The following KLRF1 variants were observed in gnomAD, a reference collection of about 807,000 sequenced individuals.
KLRF1 encodes killer cell lectin like receptor F1.
KLRF1 carries 27 observed loss-of-function variants against 30.7 expected under a neutral mutation model. That is an observed-to-expected ratio of 0.88 (90% confidence interval 0.65 to 1.21). KLRF1 has a LOEUF of 1.21. Ranked by LOEUF, KLRF1 falls within the 50% of genes most tolerant of loss-of-function variation. KLRF1 has a pLI of 0.00. For missense variants in KLRF1, 246 were observed against 259.3 expected, an observed-to-expected ratio of 0.95 and a Z score of 0.35; for synonymous variants, 92 against 89.3, an observed-to-expected ratio of 1.03 and a Z score of -0.17.
At chr12:9,832,510 T>G (rs968226441) in intron 2 of KLRF1, 96 bp downstream of exon 2, 2 of 707,790 alleles carry the variant, frequency 2.8e-6, no homozygotes, top group South Asian at 3.7e-5. Flanking sequence ...CTTCACTACA[T>G]TAACCAAGAT....
At chr12:9,812,963 G>A in the KLRF1 span, among the ~76,000 whole-genome samples, 920 of 152,248 alleles carry the variant, frequency 6.0e-3, 7 homozygotes, top group Non-Finnish European at 0.011. Context: ...GAGGATATGA[G>A]AGCATTCATC....
the KLRF1 span, among the ~76,000 whole-genome samples, chr12:9,809,308 G>A: frequency 6.6e-6 from 1 of 152,110 alleles, no homozygotes; most frequent in South Asian, 2.1e-4. Flanking sequence ...AGAAAGGGTG[G>A]GACTTTTTTC....
chr12:9,821,906 C>T, the KLRF1 span, among the ~76,000 whole-genome samples: 3 of 152,260 alleles, frequency 2.0e-5, no homozygotes, highest in Non-Finnish European at 2.9e-5. Context: ...CAAACTACTT[C>T]ACTAACATAC....
At chr12:9,825,906 C>A (rs1275339256), upstream of KLRF1, among the ~76,000 whole-genome samples, 3 of 152,178 alleles carry the variant, frequency 2.0e-5, no homozygotes, top group East Asian at 1.9e-4. Context: ...TCTTAATTTA[C>A]TTCTTATCCA....
At chr12:9,833,720 C>A (rs765014908) in intron 3 of KLRF1, among the ~76,000 whole-genome samples, 1 of 152,106 alleles carries the variant, frequency 6.6e-6, no homozygotes, top group African/African-American at 2.4e-5. Flanking sequence ...TATTAAAAAG[C>A]AGTATGTAAA....
upstream of KLRF1, among the ~76,000 whole-genome samples, chr12:9,825,235 A>G (rs576191106): frequency 2.9e-4 from 43 of 147,520 alleles, no homozygotes; most frequent in South Asian, 6.6e-3. Flanking sequence ...ACAGTACTAC[A>G]ATATCCAAAA....
At chr12:9,839,454 G>T (rs761608053) in intron 3 of KLRF1, among the ~76,000 whole-genome samples, 226 of 152,030 alleles carry the variant, frequency 1.5e-3, no homozygotes, top group African/African-American at 5.2e-3. Flanking sequence ...AAATGGAAAA[G>T]ACAACACACC....
chr12:9,810,953 G>A, the KLRF1 span, among the ~76,000 whole-genome samples: 1 of 152,264 alleles, frequency 6.6e-6, no homozygotes, highest in Non-Finnish European at 1.5e-5. Flanking sequence ...CAGTATGTGA[G>A]TTTGTTAGAA....
chr12:9,812,367 GAAA>G, the KLRF1 span, among the ~76,000 whole-genome samples: 177 of 95,782 alleles, frequency 1.8e-3, no homozygotes, highest in East Asian at 8.8e-3. Context: ...GCCGTCTCAG[GAAA>G]AAAAAAAAAA....
At chr12:9,832,270 C>A in intron 1 of KLRF1, 46 bp from the exon 2 acceptor site, 1 of 1,063,704 alleles carries the variant, frequency 9.4e-7, no homozygotes, top group Non-Finnish European at 1.5e-6. Flanking sequence ...GTATTACTTC[C>A]TGGAAGCATA....
chr12:9,825,952 T>C (rs556765991), upstream of KLRF1, among the ~76,000 whole-genome samples: 75 of 152,272 alleles, frequency 4.9e-4, no homozygotes, highest in South Asian at 0.014. Flanking sequence ...GAAATTGTAA[T>C]TATAAATTAA....
At chr12:9,816,891 T>A in the KLRF1 span, among the ~76,000 whole-genome samples, 1 of 151,898 alleles carries the variant, frequency 6.6e-6, no homozygotes, top group African/African-American at 2.4e-5. Flanking sequence ...GCCCGGCTAA[T>A]ATTTTTTTTT....
the KLRF1 span, among the ~76,000 whole-genome samples, chr12:9,806,059 T>C: frequency 2.0e-5 from 3 of 152,088 alleles, no homozygotes; most frequent in South Asian, 6.2e-4. Flanking sequence ...TTCTTTCTGC[T>C]TGCTTTAGGC....
the KLRF1 span, among the ~76,000 whole-genome samples, chr12:9,816,070 G>A: frequency 6.6e-6 from 1 of 152,100 alleles, no homozygotes; most frequent in Non-Finnish European, 1.5e-5. Context: ...TGCCCGCCTC[G>A]GCCTCCCAAA....
intron 3 of KLRF1, among the ~76,000 whole-genome samples, chr12:9,838,506 G>A (rs930196083): frequency 6.6e-6 from 1 of 152,074 alleles, no homozygotes; most frequent in Non-Finnish European, 1.5e-5. Flanking sequence ...CAGTCAGCAC[G>A]TGATCTCATG....
At chr12:9,830,396 A>G (rs1443351033) in intron 1 of KLRF1, among the ~76,000 whole-genome samples, 1 of 152,050 alleles carries the variant, frequency 6.6e-6, no homozygotes, top group Non-Finnish European at 1.5e-5. Context: ...TTCTACCTGT[A>G]ATTAGAATAT....
intron 3 of KLRF1, among the ~76,000 whole-genome samples, chr12:9,840,720 T>C (rs1440959394): frequency 6.6e-6 from 1 of 152,150 alleles, no homozygotes; most frequent in Non-Finnish European, 1.5e-5. Context: ...TTGCATTTCC[T>C]GTAATGATCA....
chr12:9,839,285 T>A (rs561277609), intron 3 of KLRF1, among the ~76,000 whole-genome samples: 23 of 152,162 alleles, frequency 1.5e-4, no homozygotes, highest in Non-Finnish European at 2.2e-4. Context: ...CGAGTACTAA[T>A]CCCATTCTGA....
At chr12:9,834,567 C>G (rs1434519530) in intron 3 of KLRF1, among the ~76,000 whole-genome samples, 1 of 151,766 alleles carries the variant, frequency 6.6e-6, no homozygotes, top group African/African-American at 2.4e-5. Flanking sequence ...TTGGAAGGAG[C>G]ATTTGTTGTA....
Sources: gnomAD v4.1 joint callset for allele counts (sites outside exome capture counted in the v4.1 genomes callset) on GRCh38, gnomAD v4.1.1 for gene constraint, MANE v1.5 for transcripts, NCBI Gene and HGNC (gene_info 2026-07-23, HGNC 2026-07-21) for gene names.